NIPAL4: variants seen among roughly 807,000 people sequenced by gnomAD.
NIPAL4 encodes magnesium transporter NIPA4.
Under a neutral mutation model 31.6 loss-of-function variants are expected in NIPAL4, and 21 were observed. The observed-to-expected ratio is 0.67, with a 90% CI of 0.47 to 0.96. The LOEUF (loss-of-function observed/expected upper bound fraction) is 0.96. NIPAL4 is among the 40% of genes least tolerant of loss of function. The probability of loss-of-function intolerance (pLI) is 0.00; values close to 1 mark genes in which losing one functional copy is unlikely to be tolerated. For synonymous variants in NIPAL4, 175 were observed against 211.1 expected (o/e 0.83, Z 1.48); for missense variants, 438 against 508.0 (o/e 0.86, Z 1.32).
In NIPAL4 at chr5:157,472,721, G is replaced by A. The variant is rs1252416383; in HGVS notation, c.976G>A (p.Ala326Thr). 4 of 1,613,850 alleles carry A rather than the reference G, an allele frequency of 2.5e-6. No homozygotes were observed. Among genetic ancestry groups the A allele is most frequent in the Non-Finnish European group, 3.4e-6 (4 of 1,179,892 alleles). Residue 326 changes from alanine (A) to threonine (T), a missense_variant, in exon 6 of 6, where the codon GCA becomes ACA. Transcript: ENST00000311946. ...EWYSMSAVDI[A>T]GTLSGFVTII... ...GTACAGCATGTCTGCTGTGGACATT[G>A]CAGGCACCCTCTCGGGCTTTGTCAC...
chr5:157,471,681 G>C lies in NIPAL4; in HGVS notation c.450G>C (p.Leu150=). 6.2e-7 allele frequency: 1 copy of C among 1,608,838 alleles called. No individual in the cohort carries two copies. Among genetic ancestry groups the C allele is most frequent in the South Asian group, 1.1e-5 (1 of 89,670 alleles). Residue 150 remains leucine (L), a synonymous_variant, in exon 5 of 6, where the codon CTG becomes CTC. Transcript: ENST00000311946. ...GTGCCATCCTCTCCTCATATTTCCTGAGGGAGAGTCTGAACCTGCTGGGGA... is the reference window on the plus strand; with the variant it reads ...GTGCCATCCTCTCCTCATATTTCCTCAGGGAGAGTCTGAACCTGCTGGGGA... ...LISAILSSYF[L]RESLNLLGKL...
chr5:157,462,684 C>A (rs1353252823), intron 1 of NIPAL4, among the ~76,000 whole-genome samples: 3 of 152,218 alleles, frequency 2.0e-5, no homozygotes, highest in African/African-American at 7.2e-5. Flanking sequence ...GCTTTGGTTT[C>A]TTCAACTAAA....
intron 2 of NIPAL4, among the ~76,000 whole-genome samples, chr5:157,465,781 C>T (rs970689063): frequency 2.6e-5 from 4 of 152,246 alleles, no homozygotes; most frequent in South Asian, 2.1e-4. Context: ...CACTTGAGTC[C>T]GGGAGTTTGA....
chr5:157,471,834 T>A lies in NIPAL4; in HGVS notation c.586+17T>A, dbSNP rs768771431. On this transcript the variant is annotated intron_variant, in intron 5 of 5. Coordinates refer to ENST00000311946, the MANE Select transcript of NIPAL4 (RefSeq NM_001099287.2). ...AAGACACAGGTAGACTCCAAGCCCC[T>A]GAAGAGCAGGAAAATACTGGAGGTT... 1 of 1,568,750 alleles carries A rather than the reference T, an allele frequency of 6.4e-7. No individual in the cohort carries two copies. Among genetic ancestry groups the A allele is most frequent in the African/African-American group, 1.4e-5 (1 of 73,968 alleles).
In NIPAL4 at chr5:157,471,733, G is replaced by A. The variant is rs370356566; in HGVS notation, c.502G>A (p.Gly168Arg). The A allele has an allele frequency of 2.1e-5, 34 of 1,606,180 alleles. No homozygotes were observed. The highest frequency in any genetic ancestry group is 3.4e-5 in the South Asian group (3 of 89,434). ...GCTGGGCTGTGTGATCTGTGTGGCC[G>A]GAAGCACAGTGATGGTGATACATGC... ...GKLGCVICVAGSTVMVIHAPE... is the reference protein window; with the variant it reads ...GKLGCVICVARSTVMVIHAPE... The change falls in exon 5 of 6, where the codon GGA becomes AGA. Residue 168 changes from glycine (G) to arginine (R), a missense_variant. Transcript: ENST00000311946.
At chr5:157,461,636 AC>A (rs1329508962) in intron 1 of NIPAL4, among the ~76,000 whole-genome samples, 2 of 152,254 alleles carry the variant, frequency 1.3e-5, no homozygotes, top group Non-Finnish European at 2.9e-5. Context: ...GCAGTGCAGA[AC>A]AAGTCTGATT....
intron 1 of NIPAL4, among the ~76,000 whole-genome samples, chr5:157,460,796 G>A (rs1027676355): frequency 6.6e-6 from 1 of 152,170 alleles, no homozygotes; most frequent in Non-Finnish European, 1.5e-5. Flanking sequence ...AGAACCACAG[G>A]AAGGGGTAAA....
rs181287300 is a variant in NIPAL4 at position 157,473,187 on chromosome 5, T to A, written c.*227T>A. 5.9e-3 allele frequency: 2,693 copies of A among 458,774 alleles called. 6 individuals carry two copies. The highest frequency in any genetic ancestry group is 7.7e-3 in the Non-Finnish European group (2,026 of 262,064). The allele number at this position is 458,774 out of a possible 1,614,324, so 28.4% of individuals were successfully genotyped here. On this transcript the variant is annotated 3_prime_UTR_variant, in exon 6 of 6. Coordinates refer to ENST00000311946, the MANE Select transcript of NIPAL4 (RefSeq NM_001099287.2). ...CAGTGACCAAATACCCAAGTTTACA[T>A]CAGTGCCTGCAGGTTCCCTGGACCT...
chr5:157,460,711 C>G, intron 1 of NIPAL4: 1 of 488,538 alleles, frequency 2.0e-6, no homozygotes, highest in Non-Finnish European at 4.0e-6. Flanking sequence ...GGTTTTAGTA[C>G]CTGCGCAGTT....
intron 2 of NIPAL4, 113 bp downstream of exon 2, chr5:157,463,446 C>A (rs1031748877): frequency 1.4e-5 from 18 of 1,275,554 alleles, no homozygotes; most frequent in Non-Finnish European, 1.9e-5. Context: ...TCATTGTCAA[C>A]CCTATCTGGA....
At chr5:157,465,148 G>A (rs1754218596) in intron 2 of NIPAL4, among the ~76,000 whole-genome samples, 1 of 152,212 alleles carries the variant, frequency 6.6e-6, no homozygotes, top group Non-Finnish European at 1.5e-5. Flanking sequence ...GAGGTGCAGA[G>A]ATGAAGTCAG....
chr5:157,461,850 C>T (rs1319927434), intron 1 of NIPAL4, among the ~76,000 whole-genome samples: 1 of 152,234 alleles, frequency 6.6e-6, no homozygotes, highest in African/African-American at 2.4e-5. Flanking sequence ...ATTTAGACTG[C>T]TTTCTAAGGG....
chr5:157,460,642 C>A, intron 1 of NIPAL4: 1 of 626,904 alleles, frequency 1.6e-6, no homozygotes, highest in South Asian at 1.5e-5. Context: ...ACAGCAGACA[C>A]CCTGAGAGGT....
intron 4 of NIPAL4, 50 bp from the exon 5 acceptor site, chr5:157,471,607 C>G: frequency 6.7e-7 from 1 of 1,492,220 alleles, no homozygotes; most frequent in Non-Finnish European, 9.2e-7. Context: ...CTTTGGGACT[C>G]TGGGACAGGC....
At chr5:157,461,696 T>C (rs1754114638) in intron 1 of NIPAL4, among the ~76,000 whole-genome samples, 1 of 151,986 alleles carries the variant, frequency 6.6e-6, no homozygotes, top group South Asian at 2.1e-4. Flanking sequence ...GTGACACGAG[T>C]TTTGGAAAGA....
rs1167408663 is a variant in NIPAL4 at position 157,461,952 on chromosome 5, C to A, written c.38-1142C>A. 3.3e-5 allele frequency among the ~76,000 whole-genome samples: 5 copies of A among 152,250 alleles called. No individual in the cohort carries two copies. The East Asian group carries it at 9.6e-4, about 29-fold the overall frequency. ...TCCACCAAGATGCCACTCTGCCCTG[C>A]AGATGTGCCAGAGCCAGAGTTGCTT... is the stretch of plus-strand genomic sequence containing the variant. On this transcript the variant is annotated intron_variant, in intron 1 of 5. Transcript: ENST00000311946.
At chr5:157,471,426 C>A (rs185618711) in intron 4 of NIPAL4, among the ~76,000 whole-genome samples, 1 of 152,166 alleles carries the variant, frequency 6.6e-6, no homozygotes, top group African/African-American at 2.4e-5. Context: ...AACAATGTCT[C>A]CCGTGGATAT....
At chr5:157,472,044 G>C (rs951422884) in intron 5 of NIPAL4, among the ~76,000 whole-genome samples, 2 of 152,192 alleles carry the variant, frequency 1.3e-5, no homozygotes, top group Non-Finnish European at 2.9e-5. Context: ...TTATGTGCCA[G>C]GCACTGTTAT....
chr5:157,472,319 T>C lies in NIPAL4; in HGVS notation c.587-13T>C. On this transcript the variant is annotated splice_polypyrimidine_tract_variant and intron_variant, in intron 5 of 5. Coordinates refer to ENST00000311946, the MANE Select transcript of NIPAL4 (RefSeq NM_001099287.2). Reference sequence around the variant, plus strand: ...TCCACAGCCAAGTGATCCTTCTCTCTCTCCTCCCAAAGGGTTCATCGTGTT... The same window carrying C: ...TCCACAGCCAAGTGATCCTTCTCTCCCTCCTCCCAAAGGGTTCATCGTGTT... 2.5e-6 allele frequency: 4 copies of C among 1,588,918 alleles called. No homozygotes were observed. The highest frequency in any genetic ancestry group is 2.6e-6 in the Non-Finnish European group (3 of 1,170,082).
Sources: gnomAD v4.1 joint callset for allele counts (sites outside exome capture counted in the v4.1 genomes callset) on GRCh38, gnomAD v4.1.1 for gene constraint, MANE v1.5 for transcripts, NCBI Gene and HGNC (gene_info 2026-07-23, HGNC 2026-07-21) for gene names.